MRTFA: variants seen among roughly 807,000 people sequenced by gnomAD.
MRTFA encodes the protein myocardin-related transcription factor A.
MRTFA carries 20 observed loss-of-function variants against 83.5 expected under a neutral mutation model. That is an observed-to-expected ratio of 0.24 (90% confidence interval 0.17 to 0.35). The LOEUF (loss-of-function observed/expected upper bound fraction) is 0.35. MRTFA is among the 10% of genes least tolerant of loss of function. The pLI, the probability that MRTFA is intolerant of heterozygous loss-of-function variation, is 1.00. For missense variants in MRTFA, 1,200 were observed against 1,224.7 expected, an observed-to-expected ratio of 0.98 and a Z score of 0.30; for synonymous variants, 659 against 541.2, an observed-to-expected ratio of 1.22 and a Z score of -3.02.
intron 4 of MRTFA, among the ~76,000 whole-genome samples, chr22:40,457,322 G>A (rs958738472): frequency 1.3e-5 from 2 of 151,784 alleles, no homozygotes; most frequent in African/African-American, 2.4e-5. Context: ...CTTAGATGGC[G>A]CCACTGCACT....
intron 3 of MRTFA, among the ~76,000 whole-genome samples, chr22:40,477,888 T>A (rs560517740): frequency 6.6e-6 from 1 of 152,048 alleles, no homozygotes; most frequent in South Asian, 2.1e-4. Flanking sequence ...TGGAAGGCAG[T>A]TTAGGAACAT....
intron 3 of MRTFA, among the ~76,000 whole-genome samples, chr22:40,499,594 GA>G (rs996860211): frequency 1.3e-5 from 2 of 151,614 alleles, no homozygotes; most frequent in African/African-American, 4.8e-5. Context: ...CCTTATCTGT[GA>G]AAAAAAAATT....
chr22:40,459,820 C>CATAT (rs1193249162), intron 4 of MRTFA, among the ~76,000 whole-genome samples: 66 of 82,926 alleles, frequency 8.0e-4, no homozygotes, highest in African/African-American at 3.2e-3. Flanking sequence ...CACACACACA[C>CATAT]ACATATATAC....
intron 4 of MRTFA, among the ~76,000 whole-genome samples, chr22:40,451,980 T>C (rs1037123632): frequency 3.6e-4 from 41 of 112,468 alleles, no homozygotes; most frequent in African/African-American, 1.2e-3. Flanking sequence ...TTTTGGTTTT[T>C]TTTTTTTTTT....
At chr22:40,587,365 A>G (rs754030650) in intron 2 of MRTFA, 20 of 402,894 alleles carry the variant, frequency 5.0e-5, no homozygotes, top group Non-Finnish European at 8.2e-5. Context: ...CTTTGACAAT[A>G]CAATCATCTT....
chr22:40,420,592 A>G lies in MRTFA; in HGVS notation c.1182-16T>C, dbSNP rs2147072936. ...GCCTGCTGACCTGGGAAGAAAAGGC[A>G]GAAATTAGCCCCATCCAGCTTCGCC... On this transcript the variant is annotated splice_polypyrimidine_tract_variant and intron_variant, in intron 10 of 14. Coordinates refer to ENST00000355630, the MANE Select transcript of MRTFA (RefSeq NM_020831.6). 1 of 1,612,066 alleles carries G rather than the reference A, an allele frequency of 6.2e-7. No homozygotes were observed. The highest frequency in any genetic ancestry group is 8.5e-7 in the Non-Finnish European group (1 of 1,179,470).
At chr22:40,513,399 G>A (rs148393368) in intron 3 of MRTFA, among the ~76,000 whole-genome samples, 4 of 152,102 alleles carry the variant, frequency 2.6e-5, no homozygotes, top group African/African-American at 7.2e-5. Context: ...TCAGGAGTTC[G>A]AGACCAGCCT....
intron 3 of MRTFA, among the ~76,000 whole-genome samples, chr22:40,475,718 T>C (rs1246349787): frequency 2.6e-5 from 4 of 152,204 alleles, no homozygotes; most frequent in African/African-American, 9.7e-5. Flanking sequence ...CTTGTTTCTT[T>C]AAAACAACAA....
At chr22:40,603,531 G>A (rs1465011631) in intron 1 of MRTFA, among the ~76,000 whole-genome samples, 1 of 152,008 alleles carries the variant, frequency 6.6e-6, no homozygotes, top group African/African-American at 2.4e-5. Context: ...TCAGGTCTTG[G>A]GAGTGGCTTA....
rs143043278 is a variant in MRTFA at position 40,613,666 on chromosome 22, G to C, written c.-83-18931C>G. Among the ~76,000 whole-genome samples the C allele has an allele frequency of 3.9e-5, 6 of 151,998 alleles. No homozygotes were observed. The East Asian group carries it at 1.2e-3, about 29-fold the overall frequency. On this transcript the variant is annotated intron_variant, in intron 1 of 14. Transcript: ENST00000355630. Reference sequence around the variant, plus strand: ...GGCCTAGGAATTCAAGACCACCCTGGGAAATACAGAGAGACCCTGTCTCTA... The same window carrying C: ...GGCCTAGGAATTCAAGACCACCCTGCGAAATACAGAGAGACCCTGTCTCTA...
At chr22:40,575,155 T>C (rs1025359547) in intron 2 of MRTFA, among the ~76,000 whole-genome samples, 1 of 152,230 alleles carries the variant, frequency 6.6e-6, no homozygotes, top group Non-Finnish European at 1.5e-5. Context: ...GGATCGTACC[T>C]ACTAACAAAT....
At chr22:40,455,007 C>T (rs570553368) in intron 4 of MRTFA, among the ~76,000 whole-genome samples, 1 of 152,096 alleles carries the variant, frequency 6.6e-6, no homozygotes, top group East Asian at 1.9e-4. Context: ...TCTATCTTGC[C>T]CCAGCTGGTT....
At chr22:40,526,508 G>A (rs946363643) in intron 3 of MRTFA, 2 of 152,206 alleles carry the variant, frequency 1.3e-5, no homozygotes, top group African/African-American at 4.8e-5. Flanking sequence ...AAGCAAGGGA[G>A]AGAAGAGAAG....
At chr22:40,511,941 T>C (rs1483778478) in intron 3 of MRTFA, among the ~76,000 whole-genome samples, 1 of 152,174 alleles carries the variant, frequency 6.6e-6, no homozygotes, top group East Asian at 1.9e-4. Flanking sequence ...CCAATACTTT[T>C]CCAATATATT....
intron 4 of MRTFA, among the ~76,000 whole-genome samples, chr22:40,449,410 A>G (rs955726382): frequency 6.6e-6 from 1 of 152,192 alleles, no homozygotes; most frequent in African/African-American, 2.4e-5. Context: ...CTAAAAATGA[A>G]AAGGGGAAAG....
chr22:40,482,470 T>C (rs1220696756), intron 3 of MRTFA, among the ~76,000 whole-genome samples: 2 of 152,148 alleles, frequency 1.3e-5, no homozygotes, highest in Admixed American at 6.5e-5. Flanking sequence ...TCAGTCTCTT[T>C]CCTGAGGATC....
At chr22:40,602,870 T>C (rs1361683333) in intron 1 of MRTFA, among the ~76,000 whole-genome samples, 1 of 151,970 alleles carries the variant, frequency 6.6e-6, no homozygotes, top group Non-Finnish European at 1.5e-5. Context: ...TAAAGGTGAT[T>C]ATGATCATTT....
chr22:40,497,778 A>C (rs971338943), intron 3 of MRTFA, among the ~76,000 whole-genome samples: 1 of 151,974 alleles, frequency 6.6e-6, no homozygotes, highest in Non-Finnish European at 1.5e-5. Context: ...TGGGGTAGTA[A>C]ATCTTTTCTT....
At chr22:40,525,819 G>A (rs2054960760) in intron 3 of MRTFA, among the ~76,000 whole-genome samples, 1 of 151,862 alleles carries the variant, frequency 6.6e-6, no homozygotes, top group East Asian at 1.9e-4. Context: ...TACAATACAC[G>A]AAGTATTCTT....
Sources: gnomAD v4.1 joint callset for allele counts (sites outside exome capture counted in the v4.1 genomes callset) on GRCh38, gnomAD v4.1.1 for gene constraint, MANE v1.5 for transcripts, NCBI Gene and HGNC (gene_info 2026-07-23, HGNC 2026-07-21) for gene names.